The following CLGN variants were observed in gnomAD, a reference collection of about 807,000 sequenced individuals.
CLGN encodes the protein testis tissue sperm-binding protein Li 79P.
A neutral mutation model predicts 79.1 loss-of-function variants in CLGN; 62 were observed. That is an observed-to-expected ratio of 0.78 (90% CI 0.64 to 0.97). The LOEUF (loss-of-function observed/expected upper bound fraction) is 0.97. Among genes scored for constraint, CLGN ranks in the 50% least tolerant of loss-of-function variants. CLGN has a pLI of 0.00. For synonymous variants in CLGN, 225 were observed against 224.7 expected (o/e 1.00, Z -0.01); for missense variants, 647 against 715.5 (o/e 0.90, Z 1.09).
chr4:140,416,453 A>G (rs1481108946), intron 1 of CLGN, among the ~76,000 whole-genome samples: 1 of 151,538 alleles, frequency 6.6e-6, no homozygotes, highest in Non-Finnish European at 1.5e-5. Context: ...ATAGACTGCT[A>G]GCAAGACTAA....
At chr4:140,406,135 G>T in intron 4 of CLGN, 52 bp from the exon 5 acceptor site, 1 of 1,550,522 alleles carries the variant, frequency 6.4e-7, no homozygotes, top group South Asian at 1.2e-5. Context: ...ATTGACCTAA[G>T]AATTATTTAT....
rs1177782262 is a variant in CLGN at position 140,414,994 on chromosome 4, C to T, written c.-9-1907G>A. ...AAAGGGAAGCCCATCAGACTAACAG[C>T]GGATCTCTCAGCAGAAACCCTACAA... is the stretch of plus-strand genomic sequence containing the variant. On this transcript the variant is annotated intron_variant, in intron 1 of 14. Transcript: ENST00000325617. Among the ~76,000 whole-genome samples, 15 of 151,420 alleles carry T rather than the reference C, an allele frequency of 9.9e-5. 1 individual carries two copies. The South Asian group carries it at 2.7e-3, about 28-fold the overall frequency.
At chr4:140,414,302 T>G (rs1156852226) in intron 1 of CLGN, among the ~76,000 whole-genome samples, 3 of 151,842 alleles carry the variant, frequency 2.0e-5, no homozygotes, top group African/African-American at 4.8e-5. Context: ...CCTCTCCTCC[T>G]CCAAAGGAAT....
chr4:140,419,441 G>T (rs1729419014), intron 1 of CLGN, among the ~76,000 whole-genome samples: 1 of 151,964 alleles, frequency 6.6e-6, no homozygotes, highest in African/African-American at 2.4e-5. Context: ...ATTCCTAAAT[G>T]TTCACTGAAA....
chr4:140,414,291 G>A (rs1160306921), intron 1 of CLGN, among the ~76,000 whole-genome samples: 36 of 152,186 alleles, frequency 2.4e-4, no homozygotes, highest in African/African-American at 4.8e-4. Flanking sequence ...AAAGCAGAGC[G>A]CCTCTCCTCC....
At chr4:140,426,035 C>A (rs1054000999) in intron 1 of CLGN, among the ~76,000 whole-genome samples, 2 of 152,128 alleles carry the variant, frequency 1.3e-5, no homozygotes, top group Non-Finnish European at 2.9e-5. Context: ...GACTGAGGAT[C>A]CGACCAACAC....
At chr4:140,400,784 T>C (rs1356015681) in intron 6 of CLGN, among the ~76,000 whole-genome samples, 1 of 152,158 alleles carries the variant, frequency 6.6e-6, no homozygotes, top group Non-Finnish European at 1.5e-5. Flanking sequence ...AAGCTGAAAA[T>C]ACTCTAGCAA....
intron 2 of CLGN, among the ~76,000 whole-genome samples, chr4:140,412,168 C>A (rs1729226310): frequency 6.6e-6 from 1 of 152,026 alleles, no homozygotes; most frequent in African/African-American, 2.4e-5. Flanking sequence ...ATACTATTCA[C>A]CTTAAACAAT....
Position 140,404,911 on chromosome 4 carries a change from C to T in CLGN, c.419+1031G>A, listed in dbSNP as rs200729321. On this transcript the variant is annotated intron_variant, in intron 5 of 14. Transcript: ENST00000325617. ...GTTCAAGCTGTCTGCCCACCTAGGC[C>T]TCCCAAAGTGCTGGGATTACACACA... is the stretch of plus-strand genomic sequence containing the variant. Among the ~76,000 whole-genome samples, 33 of 152,130 alleles carry T rather than the reference C, an allele frequency of 2.2e-4. No homozygotes were observed. The East Asian group carries it at 4.6e-3, about 21-fold the overall frequency.
intron 4 of CLGN, among the ~76,000 whole-genome samples, chr4:140,406,926 G>T (rs553582306): frequency 6.6e-6 from 1 of 151,986 alleles, no homozygotes; most frequent in Admixed American, 6.6e-5. Flanking sequence ...AATTCAATTC[G>T]ACAAAACTGG....
At chr4:140,396,914 TATATATATACAC>T (rs1220706415) in intron 8 of CLGN, among the ~76,000 whole-genome samples, 44 of 133,736 alleles carry the variant, frequency 3.3e-4, no homozygotes, top group African/African-American at 1.3e-3. Flanking sequence ...TATGTATATA[TATATATATACAC>T]ATATATATAT....
At chr4:140,401,926 G>C (rs1414153979) in intron 6 of CLGN, 59 bp downstream of exon 6, 1 of 902,216 alleles carries the variant, frequency 1.1e-6, no homozygotes, top group African/African-American at 1.8e-5. Context: ...TTTATCATTT[G>C]TTCCTTAAAA....
At chr4:140,393,047 A>T (rs1728805647) in intron 11 of CLGN, among the ~76,000 whole-genome samples, 1 of 152,092 alleles carries the variant, frequency 6.6e-6, no homozygotes, top group African/African-American at 2.4e-5. Context: ...TGAAGTGATC[A>T]TTCATTCTGT....
intron 1 of CLGN, among the ~76,000 whole-genome samples, chr4:140,413,405 C>A (rs972669817): frequency 6.6e-6 from 1 of 152,154 alleles, no homozygotes; most frequent in Non-Finnish European, 1.5e-5. Context: ...GTGTGAGCGA[C>A]GCAGAAGACG....
chr4:140,390,560 G>T, intron 14 of CLGN, 68 bp downstream of exon 14: 7 of 982,300 alleles, frequency 7.1e-6, no homozygotes, highest in Admixed American at 2.6e-5. Flanking sequence ...AAATCATATT[G>T]GTGCTTTTAT....
At chr4:140,414,436 A>C (rs1251093675) in intron 1 of CLGN, among the ~76,000 whole-genome samples, 3 of 151,796 alleles carry the variant, frequency 2.0e-5, no homozygotes. Context: ...AAAGGCAAAA[A>C]AGTTGAAAAC....
intron 1 of CLGN, among the ~76,000 whole-genome samples, chr4:140,416,787 A>C (rs1729342120): frequency 6.6e-6 from 1 of 152,166 alleles, no homozygotes; most frequent in South Asian, 2.1e-4. Flanking sequence ...AGGAACTGCT[A>C]CCATTCCTTC....
chr4:140,424,201 GT>G (rs1729520851), intron 1 of CLGN, among the ~76,000 whole-genome samples: 1 of 151,898 alleles, frequency 6.6e-6, no homozygotes, highest in Admixed American at 6.6e-5. Context: ...ATAAGTTTTG[GT>G]ATCTTTTGTT....
At chr4:140,402,806 G>A (rs568557830) in intron 5 of CLGN, among the ~76,000 whole-genome samples, 52 of 151,818 alleles carry the variant, frequency 3.4e-4, no homozygotes, top group Non-Finnish European at 6.0e-4. Flanking sequence ...TTAAATTAAC[G>A]AATTATATGT....
Sources: allele counts gnomAD v4.1 joint callset (sites outside exome capture counted in the v4.1 genomes callset), GRCh38; gene constraint gnomAD v4.1.1; transcripts MANE v1.5; gene names NCBI Gene and HGNC (gene_info 2026-07-23, HGNC 2026-07-21).